Variants in CYFIP1 observed in about 807,000 individuals in gnomAD.
CYFIP1 encodes the protein cytoplasmic FMR1-interacting protein 1.
CYFIP1 carries 58 observed loss-of-function variants against 163.5 expected under a neutral mutation model. The observed-to-expected ratio is 0.35, with a 90% CI of 0.29 to 0.44. The LOEUF (loss-of-function observed/expected upper bound fraction) is 0.44, where lower values mean the gene tolerates loss of function less well. Among genes scored for constraint, CYFIP1 ranks in the 20% least tolerant of loss-of-function variants. CYFIP1 has a pLI of 1.00. For synonymous variants in CYFIP1, 663 were observed against 660.7 expected, an observed-to-expected ratio of 1.00 and a Z score of -0.05; for missense variants, 1,338 against 1,653.8, an observed-to-expected ratio of 0.81 and a Z score of 3.31.
At chr15:22,889,706 G>GCC (rs1390091544) in intron 23 of CYFIP1, among the ~76,000 whole-genome samples, 1 of 152,078 alleles carries the variant, frequency 6.6e-6, no homozygotes, top group African/African-American at 2.4e-5. Context: ...TCTGCCCAGT[G>GCC]CCCTCTGCGC....
chr15:22,915,233 C>T (rs1022061749), intron 16 of CYFIP1: 9 of 180,356 alleles, frequency 5.0e-5, no homozygotes, highest in African/African-American at 9.4e-5. Context: ...TGGGCTCAAG[C>T]GATCCTCCTG....
At chr15:22,929,779 C>CA (rs1036603070) in intron 11 of CYFIP1, among the ~76,000 whole-genome samples, 4 of 143,334 alleles carry the variant, frequency 2.8e-5, no homozygotes, top group Non-Finnish European at 4.6e-5. Context: ...ACTAAAAATA[C>CA]AAAAAAATTA....
At chr15:22,958,244 C>T (rs573167157) in intron 1 of CYFIP1, among the ~76,000 whole-genome samples, 3 of 152,236 alleles carry the variant, frequency 2.0e-5, no homozygotes, top group African/African-American at 7.2e-5. Context: ...CGCCACCACA[C>T]CTGGCTAATT....
At chr15:22,950,962 T>G (rs2062229871) in intron 1 of CYFIP1, among the ~76,000 whole-genome samples, 1 of 152,238 alleles carries the variant, frequency 6.6e-6, no homozygotes, top group African/African-American at 2.4e-5. Context: ...TGTTCTATTA[T>G]TATTGTAATC....
chr15:22,971,457 G>A (rs919876657), intron 1 of CYFIP1, among the ~76,000 whole-genome samples: 2 of 152,164 alleles, frequency 1.3e-5, no homozygotes, highest in African/African-American at 4.8e-5. Flanking sequence ...CAGATCGCTT[G>A]AGGTCAGGAG....
chr15:22,927,574 T>C (rs950498037), intron 12 of CYFIP1, among the ~76,000 whole-genome samples: 1 of 151,068 alleles, frequency 6.6e-6, no homozygotes, highest in Non-Finnish European at 1.5e-5. Context: ...GAAGGATCGC[T>C]TGGGGTGGGG....
intron 6 of CYFIP1, among the ~76,000 whole-genome samples, chr15:22,941,124 C>T (rs2061881142): frequency 6.6e-6 from 1 of 152,170 alleles, no homozygotes. Flanking sequence ...GGTACAATCA[C>T]AGCTCACTGC....
rs904137779 is a variant in CYFIP1 at position 22,949,244 on chromosome 15, C to T, written c.-6-1953G>A. ...GATTCCCCCCGGGGACCAGGCAGGCCGGAGGGCGGGCACAATGTGCCTAAG... is the reference window on the plus strand; with the variant it reads ...GATTCCCCCCGGGGACCAGGCAGGCTGGAGGGCGGGCACAATGTGCCTAAG... On this transcript the variant is annotated intron_variant, in intron 1 of 30. Coordinates refer to ENST00000617928, the MANE Select transcript of CYFIP1 (RefSeq NM_014608.6). Among the ~76,000 whole-genome samples the T allele has an allele frequency of 5.3e-5, 8 of 151,298 alleles. No homozygotes were observed. The East Asian group carries it at 6.4e-4, about 12-fold the overall frequency.
intron 1 of CYFIP1, among the ~76,000 whole-genome samples, chr15:22,965,039 TGTGTG>T (rs759573749): frequency 3.4e-5 from 1 of 29,198 alleles, no homozygotes; most frequent in East Asian, 4.9e-4. Flanking sequence ...TATTCCATTG[TGTGTG>T]TGTGTGTGTG....
At chr15:22,948,241 C>T (rs1038350095) in intron 1 of CYFIP1, among the ~76,000 whole-genome samples, 4 of 152,076 alleles carry the variant, frequency 2.6e-5, no homozygotes, top group Admixed American at 6.5e-5. Context: ...AAGAGCCAGC[C>T]GACAAAATTG....
At chr15:22,914,249 C>T (rs1050056594) in intron 17 of CYFIP1, among the ~76,000 whole-genome samples, 3 of 152,096 alleles carry the variant, frequency 2.0e-5, no homozygotes, top group Non-Finnish European at 4.4e-5. Context: ...TGGGGAAGGT[C>T]CAGGTTCATC....
rs561208762 is a variant in CYFIP1 at position 22,940,738 on chromosome 15, C to T, written c.570-1231G>A. 5.9e-5 allele frequency among the ~76,000 whole-genome samples: 9 copies of T among 152,340 alleles called. No individual in the cohort carries two copies. The South Asian group carries it at 1.9e-3, about 32-fold the overall frequency. On this transcript the variant is annotated intron_variant, in intron 6 of 30. Transcript: ENST00000617928. ...TTAACTGATACAGTAACATTCCTTG[C>T]CTTTTTAAACATGTTTCCAGGGCGG...
intron 3 of CYFIP1, among the ~76,000 whole-genome samples, chr15:22,945,558 G>C (rs548468608): frequency 1.3e-5 from 2 of 151,604 alleles, no homozygotes; most frequent in Admixed American, 6.6e-5. Flanking sequence ...CCTTTATTTA[G>C]TGAGACGTTC....
At position 22,914,883 on chromosome 15, in the gene CYFIP1, C is replaced by A; in HGVS notation, c.1829-1G>T. 6.2e-7 allele frequency: 1 copy of A among 1,605,306 alleles called. No individual in the cohort carries two copies. The highest frequency in any genetic ancestry group is 8.5e-7 in the Non-Finnish European group (1 of 1,176,746). The stretch of plus-strand genomic sequence containing the variant: ...AGGTCACAGCACTGCTGCAGCGTTT[C>A]TGGGAGGGTTCAAACAACTCCATGT... On this transcript the variant is annotated splice_acceptor_variant, in intron 16 of 30. Coordinates refer to ENST00000617928, the MANE Select transcript of CYFIP1 (RefSeq NM_014608.6). LOFTEE classifies it high-confidence loss of function.
At chr15:22,949,192 GCA>G (rs2062161978) in intron 1 of CYFIP1, among the ~76,000 whole-genome samples, 1 of 152,244 alleles carries the variant, frequency 6.6e-6, no homozygotes, top group Non-Finnish European at 1.5e-5. Flanking sequence ...GCTCAGCAGA[GCA>G]CAGAGCAACA....
At chr15:22,875,156 C>T in intron 27 of CYFIP1, 43 bp downstream of exon 27, 1 of 1,594,734 alleles carries the variant, frequency 6.3e-7, no homozygotes, top group African/African-American at 1.3e-5. Context: ...ACCACCCCCA[C>T]AGAGGGCAGT....
intron 13 of CYFIP1, among the ~76,000 whole-genome samples, 181 bp downstream of exon 13, chr15:22,925,801 A>G (rs1046268906): frequency 6.6e-6 from 1 of 152,174 alleles, no homozygotes; most frequent in Non-Finnish European, 1.5e-5. Flanking sequence ...GTGCAGACCC[A>G]GGACCGACAA....
At chr15:22,875,433 C>T (rs2141839782) in intron 26 of CYFIP1, 162 bp from the exon 27 acceptor site, 2 of 688,322 alleles carry the variant, frequency 2.9e-6, no homozygotes, top group Non-Finnish European at 5.1e-6. Context: ...ATGCTTCCGT[C>T]TGTCCTGTCC....
chr15:22,919,184 A>G, intron 13 of CYFIP1, among the ~76,000 whole-genome samples: 1 of 152,298 alleles, frequency 6.6e-6, no homozygotes, highest in East Asian at 1.9e-4. Flanking sequence ...AGCAGGCATG[A>G]TATTACTAGA....
Sources: gnomAD v4.1 joint callset for allele counts (sites outside exome capture counted in the v4.1 genomes callset) on GRCh38, gnomAD v4.1.1 for gene constraint, MANE v1.5 for transcripts, NCBI Gene and HGNC (gene_info 2026-07-23, HGNC 2026-07-21) for gene names.